Variants in GPR158 observed in about 807,000 individuals in gnomAD.
GPR158 encodes the protein metabotropic glycine receptor.
GPR158 carries 30 observed loss-of-function variants against 78.2 expected under a neutral mutation model. The ratio of observed to expected loss-of-function variants is 0.38; its 90% CI spans 0.29 to 0.52. The LOEUF (loss-of-function observed/expected upper bound fraction) is 0.52, where lower values mean the gene tolerates loss of function less well. Ranked by LOEUF, GPR158 falls within the 20% of genes least tolerant of loss-of-function variation. GPR158 has a pLI of 0.83. For synonymous variants in GPR158, 581 were observed against 591.1 expected (o/e 0.98, Z 0.25); for missense variants, 1,463 against 1,523.5 (o/e 0.96, Z 0.66).
At chr10:25,493,238 A>G (rs1396585850) in intron 5 of GPR158, among the ~76,000 whole-genome samples, 1 of 152,136 alleles carries the variant, frequency 6.6e-6, no homozygotes, top group East Asian at 1.9e-4. Flanking sequence ...CTTCAACACA[A>G]TTGCAGCAAA....
chr10:25,239,257 G>A (rs1431335813), intron 2 of GPR158, among the ~76,000 whole-genome samples: 1 of 152,060 alleles, frequency 6.6e-6, no homozygotes. Flanking sequence ...GAGAGATATG[G>A]GTGAGAGGAC....
intron 2 of GPR158, among the ~76,000 whole-genome samples, chr10:25,308,044 G>A (rs540161350): frequency 6.6e-6 from 1 of 152,250 alleles, no homozygotes; most frequent in African/African-American, 2.4e-5. Flanking sequence ...TCAACAACAT[G>A]TGTTGTCAAG....
At chr10:25,576,970 C>CAAA (rs765153642) in intron 7 of GPR158, among the ~76,000 whole-genome samples, 32,931 of 113,214 alleles carry the variant, frequency 0.29, 4,778 homozygotes, top group Non-Finnish European at 0.37. Flanking sequence ...ACAGTGTTCT[C>CAAA]AAAAAAAAAA....
At chr10:25,537,134 T>G (rs1836512038) in intron 5 of GPR158, among the ~76,000 whole-genome samples, 1 of 152,234 alleles carries the variant, frequency 6.6e-6, no homozygotes, top group South Asian at 2.1e-4. Context: ...TTCTTGCTAG[T>G]TGTGTAATGC....
chr10:25,262,516 T>A (rs1853981279), intron 2 of GPR158, among the ~76,000 whole-genome samples: 1 of 152,180 alleles, frequency 6.6e-6, no homozygotes, highest in East Asian at 1.9e-4. Flanking sequence ...TTTTAATAAA[T>A]ACCCACAAAT....
chr10:25,462,513 T>TGA (rs1381922423), intron 4 of GPR158, among the ~76,000 whole-genome samples: 7 of 152,206 alleles, frequency 4.6e-5, no homozygotes, highest in African/African-American at 1.7e-4. Flanking sequence ...GTTGCCATAG[T>TGA]GATTCTTCTG....
chr10:25,403,470 T>C (rs1834471386), intron 3 of GPR158, among the ~76,000 whole-genome samples: 2 of 152,070 alleles, frequency 1.3e-5, no homozygotes, highest in African/African-American at 4.8e-5. Context: ...GCCAAAGCTA[T>C]ATAGCTTTAT....
At chr10:25,593,924 A>AG (rs1326416737) in intron 8 of GPR158, among the ~76,000 whole-genome samples, 1 of 152,084 alleles carries the variant, frequency 6.6e-6, no homozygotes, top group African/African-American at 2.4e-5. Flanking sequence ...ATGAGTACTA[A>AG]GAATATTACA....
intron 4 of GPR158, among the ~76,000 whole-genome samples, chr10:25,423,391 CTT>C (rs71399970): frequency 1.1e-3 from 157 of 147,304 alleles, no homozygotes; most frequent in Admixed American, 1.8e-3. Context: ...ACTTTTAGTT[CTT>C]TTTTTTTTTT....
At chr10:25,310,357 G>A (rs7068705) in intron 2 of GPR158, among the ~76,000 whole-genome samples, 30,810 of 151,986 alleles carry the variant, frequency 0.2, 5,273 homozygotes, top group African/African-American at 0.47. Context: ...GTTCTTTTTC[G>A]GGATTGCTTT....
chr10:25,221,637 A>G (rs1853301370), intron 2 of GPR158, among the ~76,000 whole-genome samples: 1 of 152,178 alleles, frequency 6.6e-6, no homozygotes, highest in South Asian at 2.1e-4. Context: ...GGAATTGTGT[A>G]TATGTGTGTG....
At chr10:25,207,557 T>C (rs562937893) in intron 1 of GPR158, among the ~76,000 whole-genome samples, 2 of 152,140 alleles carry the variant, frequency 1.3e-5, no homozygotes, top group East Asian at 3.9e-4. Flanking sequence ...CAGTTCACAA[T>C]AGTGTTTGTG....
At chr10:25,557,829 A>G (rs2130718393) in intron 6 of GPR158, among the ~76,000 whole-genome samples, 1 of 152,306 alleles carries the variant, frequency 6.6e-6, no homozygotes, top group South Asian at 2.1e-4. Flanking sequence ...ATAGAAATAA[A>G]AGCAAAATCA....
intron 1 of GPR158, among the ~76,000 whole-genome samples, chr10:25,189,262 G>C (rs1852735255): frequency 6.6e-6 from 1 of 152,202 alleles, no homozygotes; most frequent in Admixed American, 6.5e-5. Context: ...AATGCCATTT[G>C]ACCCAGCCAT....
At chr10:25,485,215 GA>G (rs1440425047) in intron 5 of GPR158, among the ~76,000 whole-genome samples, 1 of 151,894 alleles carries the variant, frequency 6.6e-6, no homozygotes, top group Non-Finnish European at 1.5e-5. Flanking sequence ...AAAGTACACT[GA>G]AAATGGTTGC....
chr10:25,310,301 G>A (rs961659234), intron 2 of GPR158, among the ~76,000 whole-genome samples: 13 of 152,126 alleles, frequency 8.5e-5, no homozygotes, highest in African/African-American at 2.9e-4. Flanking sequence ...ATTCCCATAC[G>A]TTTGCAGTAC....
intron 1 of GPR158, among the ~76,000 whole-genome samples, chr10:25,219,044 T>C (rs907254086): frequency 5.9e-5 from 9 of 152,188 alleles, no homozygotes; most frequent in African/African-American, 2.2e-4. Flanking sequence ...AAGAAAGTTA[T>C]TTCCAAGGAG....
rs1448944780 is a variant in GPR158, at chr10:25,204,704, C to A, written c.903-16348C>A. 3.3e-5 allele frequency among the ~76,000 whole-genome samples: 5 copies of A among 151,412 alleles called. No individual in the cohort carries two copies. The East Asian group carries it at 9.7e-4, about 29-fold the overall frequency. On this transcript the variant is annotated intron_variant, in intron 1 of 10. Transcript: ENST00000376351. ...ATCGATGTTCTTCAGGGATATTGGT[C>A]TAAAATTCTCTTTTTTTGTTGTGTC...
In GPR158 at chr10:25,314,839, A is replaced by ATACTGT. The variant is rs1270805840; in HGVS notation, c.1009-81072_1009-81071insTACTGT. On this transcript the variant is annotated intron_variant, in intron 2 of 10. Transcript: ENST00000376351. ...AAAAAGCCTTTAGTCATACATATAC[A>ATACTGT]CGTATATACATACACACACTGTCAT... Among the ~76,000 whole-genome samples the ATACTGT allele has an allele frequency of 2.0e-3, 259 of 128,882 alleles. 1 individual carries two copies. Among genetic ancestry groups the ATACTGT allele is most frequent in the African/African-American group, 8.0e-3 (234 of 29,232 alleles). 84.6% of individuals were successfully genotyped at this position (128,882 alleles called of 152,430 possible). A position where few individuals can be genotyped will look rare whatever the true frequency, so the allele number is the denominator to read the frequency against.
Sources: allele counts gnomAD v4.1 joint callset (sites outside exome capture counted in the v4.1 genomes callset), GRCh38; gene constraint gnomAD v4.1.1; transcripts MANE v1.5; gene names NCBI Gene and HGNC (gene_info 2026-07-23, HGNC 2026-07-21).